The following SGSM1 variants were observed in gnomAD, a reference collection of about 807,000 sequenced individuals.
SGSM1 encodes RUN and TBC1 domain containing 2.
Under a neutral mutation model 133.8 loss-of-function variants are expected in SGSM1, and 73 were observed. The ratio of observed to expected loss-of-function variants is 0.55; its 90% CI spans 0.45 to 0.66. SGSM1 has a LOEUF of 0.66. Among genes scored for constraint, SGSM1 ranks in the 30% least tolerant of loss-of-function variants. The pLI, the probability that SGSM1 is intolerant of heterozygous loss-of-function variation, is 0.00. For synonymous variants in SGSM1, 563 were observed against 573.0 expected, an observed-to-expected ratio of 0.98 and a Z score of 0.25; for missense variants, 1,213 against 1,448.1, an observed-to-expected ratio of 0.84 and a Z score of 2.64.
In SGSM1 at chr22:24,854,985, C is replaced by T. The variant is rs1389524943; in HGVS notation, c.456-11C>T. The T allele has an allele frequency of 1.2e-6, 2 of 1,611,644 alleles. No individual in the cohort carries two copies. Among genetic ancestry groups the T allele is most frequent in the Non-Finnish European group, 1.7e-6 (2 of 1,178,592 alleles). On this transcript the variant is annotated splice_polypyrimidine_tract_variant and intron_variant, in intron 5 of 24. Coordinates refer to ENST00000400358, the MANE Select transcript of SGSM1 (RefSeq NM_001098497.3). ...CTCCATCCAAACCTGCATATTCTCT[C>T]CTCTTGCTAGTAAATACTATGAGAA...
intron 2 of SGSM1, among the ~76,000 whole-genome samples, chr22:24,807,155 G>A (rs1212007894): frequency 6.6e-6 from 1 of 152,078 alleles, no homozygotes; most frequent in Non-Finnish European, 1.5e-5. Context: ...CGCGTGGAGA[G>A]GGGGGCAGTC....
chr22:24,855,496 C>A, intron 7 of SGSM1, 53 bp from the exon 8 acceptor site: 1 of 1,612,972 alleles, frequency 6.2e-7, no homozygotes, highest in Non-Finnish European at 8.5e-7. Flanking sequence ...AGGGTAGGAG[C>A]CCTGAAAATC....
At chr22:24,913,476 C>T (rs575642091) in intron 22 of SGSM1, among the ~76,000 whole-genome samples, 1 of 151,988 alleles carries the variant, frequency 6.6e-6, no homozygotes, top group African/African-American at 2.4e-5. Context: ...GCATTCATAG[C>T]GATTGGTATA....
At chr22:24,882,712 C>T (rs1932399823) in intron 14 of SGSM1, among the ~76,000 whole-genome samples, 1 of 152,158 alleles carries the variant, frequency 6.6e-6, no homozygotes, top group Non-Finnish European at 1.5e-5. Context: ...CTCTCCACCT[C>T]CATGAAAACT....
In SGSM1 at chr22:24,841,139, C is replaced by T. The variant is rs144797554; in HGVS notation, c.64-3758C>T. Among the ~76,000 whole-genome samples, 207 of 152,328 alleles carry T rather than the reference C, an allele frequency of 1.4e-3. 1 individual carries two copies. The highest frequency in any genetic ancestry group is 4.2e-3 in the African/African-American group (174 of 41,572). ...TGCTGGGATTACAGGCGTGAGCCAC[C>T]GTGCCCTGCTGTGTTTTTGTTTTTA... On this transcript the variant is annotated intron_variant, in intron 2 of 24. Coordinates refer to ENST00000400358, the MANE Select transcript of SGSM1 (RefSeq NM_001098497.3).
chr22:24,816,411 TTC>T (rs796512631), intron 2 of SGSM1, among the ~76,000 whole-genome samples: 1 of 121,492 alleles, frequency 8.2e-6, no homozygotes, highest in African/African-American at 2.7e-5. Context: ...TTTCTTTTTT[TTC>T]TTTCTTTTTT....
chr22:24,813,233 G>C (rs1927851818), intron 2 of SGSM1, among the ~76,000 whole-genome samples: 1 of 152,208 alleles, frequency 6.6e-6, no homozygotes, highest in Non-Finnish European at 1.5e-5. Context: ...GATGAGGTTT[G>C]AGAGAGTGGG....
At chr22:24,864,581 G>C (rs1213831814) in intron 9 of SGSM1, among the ~76,000 whole-genome samples, 1 of 152,228 alleles carries the variant, frequency 6.6e-6, no homozygotes, top group Non-Finnish European at 1.5e-5. Context: ...CACGAAGGGT[G>C]CATGTTGTAG....
At chr22:24,812,431 A>G (rs7287595) in intron 2 of SGSM1, among the ~76,000 whole-genome samples, 38,996 of 152,030 alleles carry the variant, frequency 0.26, 5,737 homozygotes, top group East Asian at 0.58. Context: ...TTCAAACCTC[A>G]TGTTGCCAAG....
intron 2 of SGSM1, among the ~76,000 whole-genome samples, chr22:24,808,080 C>G (rs1477802444): frequency 6.6e-6 from 1 of 151,624 alleles, no homozygotes; most frequent in African/African-American, 2.4e-5. Flanking sequence ...CAAGGGAGAT[C>G]CATCTAGAAC....
At chr22:24,859,308 C>T (rs73155769) in intron 8 of SGSM1, among the ~76,000 whole-genome samples, 69 of 152,124 alleles carry the variant, frequency 4.5e-4, no homozygotes, top group African/African-American at 1.6e-3. Context: ...CTAGGAAGGG[C>T]CCTAGAGCTC....
At chr22:24,920,825 G>C (rs944670262) in intron 24 of SGSM1, among the ~76,000 whole-genome samples, 1 of 152,202 alleles carries the variant, frequency 6.6e-6, no homozygotes, top group Admixed American at 6.5e-5. Flanking sequence ...TAGATGTACA[G>C]AGAATGCACG....
rs117620440 is a variant in SGSM1 at position 24,887,275 on chromosome 22, T to C, written c.1770+547T>C. ...CTCCCCCATACCCACACCCTGGCCC[T>C]AATTCCTGGCAACCACTAATCATAT... On this transcript the variant is annotated intron_variant, in intron 16 of 24. Coordinates refer to ENST00000400358, the MANE Select transcript of SGSM1 (RefSeq NM_001098497.3). 5.3e-5 allele frequency among the ~76,000 whole-genome samples: 8 copies of C among 152,258 alleles called. No individual in the cohort carries two copies. The East Asian group carries it at 1.5e-3, about 29-fold the overall frequency.
intron 9 of SGSM1, among the ~76,000 whole-genome samples, chr22:24,861,499 C>G (rs553340709): frequency 6.6e-6 from 1 of 151,976 alleles, no homozygotes; most frequent in Non-Finnish European, 1.5e-5. Flanking sequence ...TAGTCTCTCT[C>G]TCTCTCTTTT....
intron 13 of SGSM1, 141 bp from the exon 14 acceptor site, chr22:24,879,321 G>A: frequency 2.8e-6 from 2 of 707,820 alleles, no homozygotes; most frequent in South Asian, 1.8e-5. Context: ...TACAGGTAGA[G>A]GTAATAGCAG....
At chr22:24,873,450 C>T (rs1931865776) in intron 12 of SGSM1, among the ~76,000 whole-genome samples, 1 of 151,642 alleles carries the variant, frequency 6.6e-6, no homozygotes, top group African/African-American at 2.4e-5. Context: ...GGCGTGAAAA[C>T]CCAAAGTGTC....
chr22:24,827,882 C>T (rs1928887970), intron 2 of SGSM1, among the ~76,000 whole-genome samples: 1 of 152,008 alleles, frequency 6.6e-6, no homozygotes, highest in South Asian at 2.1e-4. Context: ...GACACCCTGT[C>T]CTTTATGCTA....
chr22:24,904,207 A>T (rs1232808316), intron 20 of SGSM1, among the ~76,000 whole-genome samples: 1 of 152,158 alleles, frequency 6.6e-6, no homozygotes, highest in Non-Finnish European at 1.5e-5. Context: ...CATTTAAAAA[A>T]TGTGTACATT....
chr22:24,900,412 T>TCTCTTTCTCTCTTTCTCTCTTTCTCTC (rs1933111962), intron 19 of SGSM1, among the ~76,000 whole-genome samples: 1 of 144,576 alleles, frequency 6.9e-6, no homozygotes, highest in African/African-American at 2.6e-5. Context: ...TCTTTCTGTA[T>TCTCTTTCTCTCTTTCTCTCTTTCTCTC]TTTTGAGACA....
Sources: allele counts gnomAD v4.1 joint callset (sites outside exome capture counted in the v4.1 genomes callset), GRCh38; gene constraint gnomAD v4.1.1; transcripts MANE v1.5; gene names NCBI Gene and HGNC (gene_info 2026-07-23, HGNC 2026-07-21).